The following LCMT1 variants were observed in gnomAD, a reference collection of about 807,000 sequenced individuals.
The protein encoded by LCMT1 is [Phosphatase 2A protein]-leucine-carboxy methyltransferase 1.
Under a neutral mutation model 47.7 loss-of-function variants are expected in LCMT1, and 32 were observed. The ratio of observed to expected loss-of-function variants is 0.67; its 90% CI spans 0.51 to 0.90. The LOEUF (loss-of-function observed/expected upper bound fraction) is 0.90. Among genes scored for constraint, LCMT1 ranks in the 40% least tolerant of loss-of-function variants. The probability of loss-of-function intolerance (pLI) is 0.00; values close to 1 mark genes in which losing one functional copy is unlikely to be tolerated. For missense variants in LCMT1, 375 were observed against 415.2 expected (o/e 0.90, Z 0.84); for synonymous variants, 152 against 149.7 (o/e 1.02, Z -0.11).
chr16:25,137,991 A>G (rs1159438612), intron 3 of LCMT1, among the ~76,000 whole-genome samples: 3 of 151,910 alleles, frequency 2.0e-5, no homozygotes, highest in African/African-American at 7.3e-5. Context: ...ATCTCTTGTT[A>G]CTGTCTCCAT....
Position 25,168,371 on chromosome 16 carries a change from A to G in LCMT1, c.691-741A>G, listed in dbSNP as rs148201352. On this transcript the variant is annotated intron_variant, in intron 7 of 10. Transcript: ENST00000399069. ...CCTAAAGTGAGTTTTTGAAAAAGCAATAGTGTATATACTACAATGGTGTAC... is the reference window on the plus strand; with the variant it reads ...CCTAAAGTGAGTTTTTGAAAAAGCAGTAGTGTATATACTACAATGGTGTAC... Among the ~76,000 whole-genome samples the G allele has an allele frequency of 1.3e-3, 205 of 152,326 alleles. 1 individual carries two copies. Among genetic ancestry groups the G allele is most frequent in the African/African-American group, 4.8e-3 (198 of 41,572 alleles).
At chr16:25,177,897 G>C in intron 10 of LCMT1, 104 bp from the exon 11 acceptor site, 1 of 924,868 alleles carries the variant, frequency 1.1e-6, no homozygotes, top group Non-Finnish European at 1.8e-6. Context: ...ACAGTGGTCA[G>C]CAGTGTGGCT....
At chr16:25,152,885 C>T (rs1961124381) in intron 5 of LCMT1, among the ~76,000 whole-genome samples, 1 of 152,136 alleles carries the variant, frequency 6.6e-6, no homozygotes, top group Non-Finnish European at 1.5e-5. Flanking sequence ...CTGAGCCTTT[C>T]AAATTATGGG....
At chr16:25,140,884 A>G (rs1223382689) in intron 4 of LCMT1, 2 of 152,310 alleles carry the variant, frequency 1.3e-5, no homozygotes. Flanking sequence ...ATGGTTAAGT[A>G]TTATGAAGAA....
chr16:25,123,565 T>G (rs1487744589), intron 1 of LCMT1, among the ~76,000 whole-genome samples: 1 of 149,664 alleles, frequency 6.7e-6, no homozygotes, highest in Non-Finnish European at 1.5e-5. Context: ...CATTGCAATG[T>G]GTGTTTCATG....
At chr16:25,168,527 A>G (rs980502027) in intron 7 of LCMT1, among the ~76,000 whole-genome samples, 2 of 152,192 alleles carry the variant, frequency 1.3e-5, no homozygotes, top group Non-Finnish European at 1.5e-5. Flanking sequence ...AGGAAAAGTA[A>G]ATCTCTCTCC....
At chr16:25,168,037 G>A (rs1021990496) in intron 7 of LCMT1, among the ~76,000 whole-genome samples, 6 of 145,448 alleles carry the variant, frequency 4.1e-5, no homozygotes, top group Non-Finnish European at 9.0e-5. Flanking sequence ...GATTATAGGC[G>A]TGAGCTACCG....
At chr16:25,151,511 A>G in intron 4 of LCMT1, 43 bp from the exon 5 acceptor site, 1 of 1,496,880 alleles carries the variant, frequency 6.7e-7, no homozygotes, top group Non-Finnish European at 9.3e-7. Flanking sequence ...TAAATTGAGG[A>G]GCAAATAGAC....
At chr16:25,116,107 A>T (rs1179603223) in intron 1 of LCMT1, among the ~76,000 whole-genome samples, 2 of 152,242 alleles carry the variant, frequency 1.3e-5, no homozygotes, top group Admixed American at 1.3e-4. Flanking sequence ...GAAGACTCAC[A>T]CTATGAGGAG....
chr16:25,126,008 C>G lies in LCMT1; in HGVS notation c.114-2467C>G, dbSNP rs755363621. ...CGACAGCACTCTCCTCCTCACTGCC[C>G]AACACTGGGTGGCAAATCTTTTCAT... On this transcript the variant is annotated intron_variant, in intron 1 of 10. Coordinates refer to ENST00000399069, the MANE Select transcript of LCMT1 (RefSeq NM_016309.3). The G allele has an allele frequency of 3.0e-6, 4 of 1,349,542 alleles. No homozygotes were observed. In the African/African-American group the frequency reaches 5.9e-5, roughly 20 times the overall value. The allele number at this position is 1,349,542 out of a possible 1,614,324, so 83.6% of individuals were successfully genotyped here. A position where few individuals can be genotyped will look rare whatever the true frequency, so the allele number is the denominator to read the frequency against.
chr16:25,117,189 C>T (rs1162085862), intron 1 of LCMT1, among the ~76,000 whole-genome samples: 2 of 152,156 alleles, frequency 1.3e-5, no homozygotes, highest in African/African-American at 4.8e-5. Flanking sequence ...CAAGGGACAT[C>T]TTCCTCTCTT....
intron 10 of LCMT1, among the ~76,000 whole-genome samples, chr16:25,176,701 A>G (rs1161670226): frequency 1.3e-5 from 2 of 149,514 alleles, no homozygotes; most frequent in Non-Finnish European, 3.0e-5. Context: ...AGCTGGGATT[A>G]CAGGCGTCCA....
intron 3 of LCMT1, among the ~76,000 whole-genome samples, chr16:25,139,807 C>G (rs1047833304): frequency 2.0e-5 from 3 of 152,140 alleles, no homozygotes; most frequent in Admixed American, 2.0e-4. Context: ...GTTGAGATTA[C>G]AGTCGTGAGC....
intron 4 of LCMT1, chr16:25,145,032 A>G (rs1399626897): frequency 6.6e-6 from 1 of 152,202 alleles, no homozygotes; most frequent in Non-Finnish European, 1.5e-5. Flanking sequence ...ATAGGGGTTT[A>G]GCCGTCAGGC....
chr16:25,160,396 C>T (rs1302575242), intron 5 of LCMT1, among the ~76,000 whole-genome samples: 8 of 152,204 alleles, frequency 5.3e-5, no homozygotes, highest in Non-Finnish European at 8.8e-5. Flanking sequence ...TTCATCCCAC[C>T]TCTGCTGGAG....
At chr16:25,126,932 C>T (rs1960209832) in intron 1 of LCMT1, among the ~76,000 whole-genome samples, 1 of 152,226 alleles carries the variant, frequency 6.6e-6, no homozygotes, top group Admixed American at 6.5e-5. Context: ...GCTGGGCTAC[C>T]ATTCTTGTTT....
chr16:25,155,742 T>C (rs915162501), intron 5 of LCMT1, among the ~76,000 whole-genome samples: 4 of 150,900 alleles, frequency 2.7e-5, no homozygotes, highest in South Asian at 2.1e-4. Context: ...AGTGGTGCAA[T>C]TGGTCACAGC....
In LCMT1 at chr16:25,155,203, T is replaced by C. The variant is rs1961216034; in HGVS notation, c.466+3588T>C. 2.0e-5 allele frequency among the ~76,000 whole-genome samples: 3 copies of C among 152,170 alleles called. No individual in the cohort carries two copies. In the South Asian group the frequency reaches 6.2e-4, roughly 31 times the overall value. On this transcript the variant is annotated intron_variant, in intron 5 of 10. Coordinates refer to ENST00000399069, the MANE Select transcript of LCMT1 (RefSeq NM_016309.3). ...ATCTTAGAATTGATGATGTTTTTTT[T>C]TAAGCTAAAGTCTGCCTAGGGTAAA...
At chr16:25,154,621 G>C (rs1028151313) in intron 5 of LCMT1, among the ~76,000 whole-genome samples, 13 of 151,528 alleles carry the variant, frequency 8.6e-5, no homozygotes, top group Admixed American at 7.9e-4. Flanking sequence ...CAAGTAGCTG[G>C]GACTACAGGT....
Sources: allele counts gnomAD v4.1 joint callset (sites outside exome capture counted in the v4.1 genomes callset), GRCh38; gene constraint gnomAD v4.1.1; transcripts MANE v1.5; gene names NCBI Gene and HGNC (gene_info 2026-07-23, HGNC 2026-07-21).